The following B4GALT6 variants were observed in gnomAD, a reference collection of about 807,000 sequenced individuals.
The protein encoded by B4GALT6 is UDP-Gal:beta-GlcNAc beta-1,4-galactosyltransferase 6.
Under a neutral mutation model 46.3 loss-of-function variants are expected in B4GALT6, and 14 were observed. That is an observed-to-expected ratio of 0.30 (90% CI 0.20 to 0.47). The LOEUF is 0.47. Ranked by LOEUF, B4GALT6 falls within the 20% of genes least tolerant of loss-of-function variation. The pLI is 0.99. For synonymous variants in B4GALT6, 168 were observed against 162.0 expected, an observed-to-expected ratio of 1.04 and a Z score of -0.28; for missense variants, 386 against 480.1, an observed-to-expected ratio of 0.80 and a Z score of 1.83.
At chr18:31,706,403 G>A in the B4GALT6 span, among the ~76,000 whole-genome samples, 1 of 152,182 alleles carries the variant, frequency 6.6e-6, no homozygotes, top group Non-Finnish European at 1.5e-5. Context: ...GGCCGAGGCA[G>A]GCAGATCACT....
At chr18:31,640,588 G>A (rs947182474) in intron 4 of B4GALT6, among the ~76,000 whole-genome samples, 4 of 152,146 alleles carry the variant, frequency 2.6e-5, no homozygotes, top group Non-Finnish European at 4.4e-5. Context: ...TATCTATCTG[G>A]CAAATGGTAG....
At chr18:31,705,225 C>T in the B4GALT6 span, among the ~76,000 whole-genome samples, 4 of 152,138 alleles carry the variant, frequency 2.6e-5, no homozygotes, top group Non-Finnish European at 5.9e-5. Context: ...GAGGATAATA[C>T]ACGTACTTAT....
Position 31,684,380 on chromosome 18 carries a change from A to G in B4GALT6, c.47T>C (p.Leu16Pro). The change falls in exon 1 of 9, where the codon CTC becomes CCC. Residue 16 changes from leucine to proline, a missense_variant. Physicochemically the swap from Leu to Pro is moderately conservative, Grantham distance 98 (BLOSUM62 -3). Transcript: ENST00000306851. ...RMMRVSNRSL[L>P]AFIFFFSLSS... Reference sequence around the variant, plus strand: ...GAGGGAGAAGAAGAAGATGAAGGCGAGGAGAGAGCGATTGGAAACCCGCAT... The same window carrying G: ...GAGGGAGAAGAAGAAGATGAAGGCGGGGAGAGAGCGATTGGAAACCCGCAT... 6.2e-7 allele frequency: 1 copy of G among 1,613,950 alleles called. No homozygotes were observed. Among genetic ancestry groups the G allele is most frequent in the Non-Finnish European group, 8.5e-7 (1 of 1,179,934 alleles).
At chr18:31,638,011 C>T (rs2073882193) in intron 5 of B4GALT6, among the ~76,000 whole-genome samples, 1 of 152,098 alleles carries the variant, frequency 6.6e-6, no homozygotes, top group African/African-American at 2.4e-5. Context: ...AGTAATAATA[C>T]TATAAGCCAA....
intron 1 of B4GALT6, among the ~76,000 whole-genome samples, chr18:31,671,883 C>T (rs1231837202): frequency 3.3e-5 from 5 of 152,132 alleles, no homozygotes; most frequent in African/African-American, 1.2e-4. Flanking sequence ...TTCTGCTTCC[C>T]AGAGGGTAAC....
At chr18:31,684,808 C>G (rs2074526339), upstream of B4GALT6, 2 of 1,021,360 alleles carry the variant, frequency 2.0e-6, no homozygotes, top group East Asian at 8.9e-5. Flanking sequence ...CTGCGCGCCG[C>G]GGCGCCCCTG....
At chr18:31,699,669 G>A in the B4GALT6 span, among the ~76,000 whole-genome samples, 5 of 142,626 alleles carry the variant, frequency 3.5e-5, no homozygotes, top group Non-Finnish European at 7.5e-5. Flanking sequence ...CCTGCTATAC[G>A]AGAACTGTGG....
chr18:31,724,148 C>A, the B4GALT6 span: 1 of 247,234 alleles, frequency 4.0e-6, no homozygotes, highest in Non-Finnish European at 8.2e-6. Context: ...ATAAAGGCTG[C>A]GTAAATAAAG....
At position 31,648,852 on chromosome 18, in the gene B4GALT6, A is replaced by C. The variant is rs1248634172; in HGVS notation, c.347-3373T>G. Among the ~76,000 whole-genome samples, 3 of 152,218 alleles carry C rather than the reference A, an allele frequency of 2.0e-5. No individual in the cohort carries two copies. The East Asian group carries it at 5.8e-4, about 29-fold the overall frequency. On this transcript the variant is annotated intron_variant, in intron 3 of 8. Transcript: ENST00000306851. ...AGAGTTGTTTGTTCTATAAATCAAT[A>C]GTTTTAAATAACTATTTCATTTTGC...
chr18:31,700,946 A>G, the B4GALT6 span, among the ~76,000 whole-genome samples: 1 of 152,158 alleles, frequency 6.6e-6, no homozygotes, highest in South Asian at 2.1e-4. Context: ...GAAGCAACTG[A>G]TATTTCAGGA....
the B4GALT6 span, among the ~76,000 whole-genome samples, chr18:31,702,194 T>C: frequency 1.3e-5 from 2 of 152,352 alleles, no homozygotes; most frequent in Admixed American, 6.5e-5. Flanking sequence ...TATAGACTAA[T>C]ACAGACCTCT....
chr18:31,633,034 A>G (rs2073811137), intron 5 of B4GALT6, among the ~76,000 whole-genome samples: 2 of 152,172 alleles, frequency 1.3e-5, no homozygotes, highest in African/African-American at 4.8e-5. Flanking sequence ...CTTGCTAAGT[A>G]AAGACCCATG....
chr18:31,630,638 C>A (rs1357867913), intron 6 of B4GALT6, among the ~76,000 whole-genome samples: 1 of 152,138 alleles, frequency 6.6e-6, no homozygotes, highest in East Asian at 1.9e-4. Flanking sequence ...AAGGAATACA[C>A]CTTCAGAGAT....
chr18:31,700,435 TTGTG>T, the B4GALT6 span, among the ~76,000 whole-genome samples: 466 of 139,570 alleles, frequency 3.3e-3, 2 homozygotes, highest in African/African-American at 9.8e-3. Context: ...AATTGACTAT[TTGTG>T]TGTGTGTGTG....
intron 1 of B4GALT6, among the ~76,000 whole-genome samples, chr18:31,681,203 G>A (rs2074476112): frequency 6.6e-6 from 1 of 152,200 alleles, no homozygotes; most frequent in Admixed American, 6.5e-5. Flanking sequence ...GCAAGAAAAT[G>A]ACTACGTTAT....
chr18:31,686,513 A>T (rs959254037), upstream of B4GALT6: 1 of 152,198 alleles, frequency 6.6e-6, no homozygotes, highest in Non-Finnish European at 1.5e-5. Flanking sequence ...GAGGTTCCTT[A>T]TATCCCATTA....
At chr18:31,692,496 T>G in the B4GALT6 span, among the ~76,000 whole-genome samples, 1 of 152,346 alleles carries the variant, frequency 6.6e-6, no homozygotes, top group Non-Finnish European at 1.5e-5. Flanking sequence ...TGGCTTACAA[T>G]GTCTTTTATA....
In B4GALT6 at chr18:31,657,969, G is replaced by A. The variant is rs770343819; in HGVS notation, c.346+7C>T. On this transcript the variant is annotated splice_region_variant and intron_variant, in intron 3 of 8. Coordinates refer to ENST00000306851, the MANE Select transcript of B4GALT6 (RefSeq NM_004775.5). The stretch of plus-strand genomic sequence containing the variant: ...AACAGTTAAGTCAAAATTAGATGAC[G>A]ACTTACGCATATAAGGCAGCTTTTC... 21 of 1,596,672 alleles carry A rather than the reference G, an allele frequency of 1.3e-5. No homozygotes were observed. The highest frequency in any genetic ancestry group is 1.1e-4 in the South Asian group (10 of 90,216).
chr18:31,691,310 T>C, the B4GALT6 span, among the ~76,000 whole-genome samples: 1 of 16,262 alleles, frequency 6.1e-5, no homozygotes, highest in African/African-American at 1.1e-4. Context: ...TATATATATA[T>C]ATATATATAT....
Sources: allele counts gnomAD v4.1 joint callset (sites outside exome capture counted in the v4.1 genomes callset), GRCh38; gene constraint gnomAD v4.1.1; transcripts MANE v1.5; gene names NCBI Gene and HGNC (gene_info 2026-07-23, HGNC 2026-07-21).